The following ARHGEF11 variants were observed in gnomAD, a reference collection of about 807,000 sequenced individuals.
ARHGEF11 encodes Rho guanine nucleotide exchange factor 11.
A neutral mutation model predicts 193.7 loss-of-function variants in ARHGEF11; 55 were observed. The observed-to-expected ratio is 0.28, with a 90% CI of 0.23 to 0.36. The LOEUF (loss-of-function observed/expected upper bound fraction) is 0.36, where lower values mean the gene tolerates loss of function less well. ARHGEF11 is among the 10% of genes least tolerant of loss of function. The pLI, the probability that ARHGEF11 is intolerant of heterozygous loss-of-function variation, is 1.00. For missense variants in ARHGEF11, 1,723 were observed against 2,005.6 expected, an observed-to-expected ratio of 0.86 and a Z score of 2.69; for synonymous variants, 693 against 768.0, an observed-to-expected ratio of 0.90 and a Z score of 1.62.
At chr1:156,983,028 A>G (rs1252247124) in intron 3 of ARHGEF11, among the ~76,000 whole-genome samples, 1 of 152,210 alleles carries the variant, frequency 6.6e-6, no homozygotes, top group Non-Finnish European at 1.5e-5. Context: ...CAATGCAAGT[A>G]TATTTTCCCT....
intron 40 of ARHGEF11, among the ~76,000 whole-genome samples, chr1:156,936,480 G>GAA (rs35863393): frequency 1.7e-3 from 80 of 48,004 alleles, no homozygotes; most frequent in East Asian, 3.1e-3. Context: ...CAAATAAATA[G>GAA]AAAAAAAAAA....
chr1:156,984,669 C>G (rs12738797), intron 2 of ARHGEF11, among the ~76,000 whole-genome samples: 4 of 152,298 alleles, frequency 2.6e-5, no homozygotes, highest in African/African-American at 7.2e-5. Flanking sequence ...CTACCCTTCT[C>G]TGAGGTGCTA....
chr1:157,035,231 C>T (rs750802292), intron 1 of ARHGEF11, among the ~76,000 whole-genome samples: 6 of 152,064 alleles, frequency 3.9e-5, no homozygotes, highest in Non-Finnish European at 8.8e-5. Context: ...TATGGTCCCA[C>T]AGCCATGCCT....
chr1:156,995,764 A>C (rs1666397260), intron 1 of ARHGEF11, among the ~76,000 whole-genome samples: 1 of 150,342 alleles, frequency 6.7e-6, no homozygotes, highest in African/African-American at 2.5e-5. Flanking sequence ...GGCTGGTCTC[A>C]AACTCCTGGG....
intron 1 of ARHGEF11, among the ~76,000 whole-genome samples, chr1:156,994,986 C>A (rs993401052): frequency 2.0e-5 from 3 of 150,688 alleles, no homozygotes; most frequent in African/African-American, 7.4e-5. Context: ...CGTGCACTTG[C>A]TCACGCCAGA....
At chr1:157,036,205 AC>A (rs1213248560) in intron 1 of ARHGEF11, among the ~76,000 whole-genome samples, 1 of 121,074 alleles carries the variant, frequency 8.3e-6, no homozygotes, top group Non-Finnish European at 1.6e-5. Flanking sequence ...GAATATATAT[AC>A]ATATATATAT....
chr1:156,940,049 G>T, intron 36 of ARHGEF11, 139 bp from the exon 37 acceptor site: 1 of 1,442,294 alleles, frequency 6.9e-7, no homozygotes, highest in Non-Finnish European at 9.3e-7. Context: ...ACTAGCTGGT[G>T]GGGGTTGGGT....
intron 1 of ARHGEF11, among the ~76,000 whole-genome samples, chr1:156,990,497 C>G (rs6675407): frequency 6.6e-6 from 1 of 152,008 alleles, no homozygotes; most frequent in Non-Finnish European, 1.5e-5. Flanking sequence ...GTTTTACTAT[C>G]CATAGATGAT....
At chr1:157,019,961 C>T (rs1344569900) in intron 1 of ARHGEF11, among the ~76,000 whole-genome samples, 15 of 151,916 alleles carry the variant, frequency 9.9e-5, no homozygotes, top group Admixed American at 9.8e-4. Flanking sequence ...CCCATCTCTA[C>T]TAAAAATACA....
intron 1 of ARHGEF11, among the ~76,000 whole-genome samples, chr1:157,025,542 T>A (rs1670540459): frequency 1.3e-5 from 2 of 152,198 alleles, no homozygotes; most frequent in African/African-American, 4.8e-5. Context: ...ACATGCGGGT[T>A]CCTAGCCTGA....
intron 40 of ARHGEF11, among the ~76,000 whole-genome samples, chr1:156,936,506 A>ATATC: frequency 7.8e-6 from 1 of 127,894 alleles, no homozygotes; most frequent in Non-Finnish European, 1.6e-5. Flanking sequence ...AAATATATAT[A>ATATC]TATATATATA....
intron 1 of ARHGEF11, among the ~76,000 whole-genome samples, chr1:157,031,058 T>A (rs1457431683): frequency 6.6e-6 from 1 of 152,122 alleles, no homozygotes; most frequent in Non-Finnish European, 1.5e-5. Flanking sequence ...CCAGGTCTTA[T>A]AAAATTCATT....
intron 18 of ARHGEF11, among the ~76,000 whole-genome samples, chr1:156,957,574 C>A (rs1022210161): frequency 6.6e-5 from 10 of 152,200 alleles, no homozygotes; most frequent in African/African-American, 1.9e-4. Context: ...AGACCCACAT[C>A]CCCAGGCAGT....
chr1:156,992,379 TCCTG>T (rs142498260), intron 1 of ARHGEF11, among the ~76,000 whole-genome samples: 1 of 152,190 alleles, frequency 6.6e-6, no homozygotes, highest in Non-Finnish European at 1.5e-5. Context: ...GGTGCGTCAG[TCCTG>T]CCTATTTGCT....
intron 1 of ARHGEF11, among the ~76,000 whole-genome samples, chr1:156,989,081 T>C (rs762738166): frequency 4.6e-5 from 7 of 152,076 alleles, no homozygotes; most frequent in Non-Finnish European, 8.8e-5. Context: ...GAGGACATTC[T>C]CATCAAAATT....
At chr1:157,035,560 C>A (rs969795354) in intron 1 of ARHGEF11, among the ~76,000 whole-genome samples, 1 of 151,868 alleles carries the variant, frequency 6.6e-6, no homozygotes, top group Admixed American at 6.6e-5. Flanking sequence ...AATGCACCAC[C>A]ACGTGCGGCT....
intron 8 of ARHGEF11, 107 bp downstream of exon 8, chr1:156,971,590 T>G: frequency 7.1e-7 from 1 of 1,414,976 alleles, no homozygotes; most frequent in Non-Finnish European, 9.4e-7. Context: ...AGTTCAGCCT[T>G]GAGGTCCTGG....
intron 1 of ARHGEF11, among the ~76,000 whole-genome samples, chr1:156,989,271 G>A (rs757821711): frequency 2.0e-5 from 3 of 151,276 alleles, no homozygotes; most frequent in Admixed American, 6.6e-5. Flanking sequence ...CTTTATAATC[G>A]TTTCCCAGAC....
Position 156,963,571 on chromosome 1 carries a change from A to G in ARHGEF11, c.987T>C (p.Pro329=). ...GDQGVDQSPK[P]LIIGPEEDYD... ...AGTCTTCCTCTGGGCCAATAATTAA[A>G]GGCTTTGGGCTTTGATCTACACCCT... The change falls in exon 12 of 41, where the codon CCT becomes CCC. Residue 329 remains proline (P), a synonymous_variant. Transcript: ENST00000368194. 6.4e-7 allele frequency: 1 copy of G among 1,570,908 alleles called. No homozygotes were observed. The highest frequency in any genetic ancestry group is 8.7e-7 in the Non-Finnish European group (1 of 1,155,466).
Sources: gnomAD v4.1 joint callset for allele counts (sites outside exome capture counted in the v4.1 genomes callset) on GRCh38, gnomAD v4.1.1 for gene constraint, MANE v1.5 for transcripts, NCBI Gene and HGNC (gene_info 2026-07-23, HGNC 2026-07-21) for gene names.